The following MACROD2 variants were observed in gnomAD, a reference collection of about 807,000 sequenced individuals.
MACROD2 encodes mono-ADP ribosylhydrolase 2.
A neutral mutation model predicts 70.4 loss-of-function variants in MACROD2; 36 were observed. The observed-to-expected ratio is 0.51, with a 90% CI of 0.39 to 0.68. The LOEUF (loss-of-function observed/expected upper bound fraction) is 0.68. Among genes scored for constraint, MACROD2 ranks in the 30% least tolerant of loss-of-function variants. The pLI, the probability that MACROD2 is intolerant of heterozygous loss-of-function variation, is 0.00. For synonymous variants in MACROD2, 172 were observed against 178.8 expected (o/e 0.96, Z 0.30); for missense variants, 496 against 538.4 (o/e 0.92, Z 0.78).
chr20:14,576,126 A>C (rs1466421630), intron 4 of MACROD2, among the ~76,000 whole-genome samples: 1 of 152,154 alleles, frequency 6.6e-6, no homozygotes, highest in Non-Finnish European at 1.5e-5. Context: ...TTTCTTATTT[A>C]AGATTCCCCA....
At chr20:14,151,250 C>T (rs965251148) in intron 3 of MACROD2, among the ~76,000 whole-genome samples, 12 of 56,174 alleles carry the variant, frequency 2.1e-4, no homozygotes, top group African/African-American at 8.0e-4. Context: ...CAATGATGTT[C>T]TGCCTAGTGT....
intron 6 of MACROD2, among the ~76,000 whole-genome samples, chr20:15,362,008 CT>C (rs34029805): frequency 0.08 from 11,414 of 142,346 alleles, 631 homozygotes; most frequent in East Asian, 0.31. Flanking sequence ...TTATTTCTTC[CT>C]TTTTTTTTTT....
At chr20:15,473,486 C>G (rs1315280327) in intron 7 of MACROD2, among the ~76,000 whole-genome samples, 4 of 152,142 alleles carry the variant, frequency 2.6e-5, no homozygotes, top group African/African-American at 7.2e-5. Context: ...CATTTATCAT[C>G]TATCAGGGAG....
At chr20:15,161,033 T>C (rs2076344662) in intron 5 of MACROD2, among the ~76,000 whole-genome samples, 1 of 151,962 alleles carries the variant, frequency 6.6e-6, no homozygotes, top group Non-Finnish European at 1.5e-5. Context: ...TGTCATAAGG[T>C]GTAAGGAGCA....
At chr20:14,978,471 A>G (rs2074763263) in intron 5 of MACROD2, among the ~76,000 whole-genome samples, 1 of 150,286 alleles carries the variant, frequency 6.7e-6, no homozygotes, top group Non-Finnish European at 1.5e-5. Flanking sequence ...TCTACAGGCA[A>G]TGGCCAGTGT....
intron 3 of MACROD2, among the ~76,000 whole-genome samples, chr20:14,375,107 G>A (rs1052259687): frequency 6.6e-6 from 1 of 151,702 alleles, no homozygotes; most frequent in Admixed American, 6.6e-5. Flanking sequence ...AATGGAAGGA[G>A]AAAAAAGAAA....
intron 5 of MACROD2, among the ~76,000 whole-genome samples, chr20:14,778,523 G>T (rs2180477): frequency 6.6e-6 from 1 of 151,936 alleles, no homozygotes; most frequent in Non-Finnish European, 1.5e-5. Flanking sequence ...ACTAAGACCC[G>T]GTCTAGATCC....
intron 3 of MACROD2, among the ~76,000 whole-genome samples, chr20:14,130,434 G>A (rs2054702312): frequency 6.6e-6 from 1 of 152,060 alleles, no homozygotes; most frequent in East Asian, 1.9e-4. Context: ...TGTAATCCCA[G>A]CTACTCGGGA....
intron 8 of MACROD2, among the ~76,000 whole-genome samples, chr20:15,654,341 A>G (rs2049694173): frequency 6.6e-6 from 1 of 152,120 alleles, no homozygotes; most frequent in South Asian, 2.1e-4. Context: ...AGAGTTTAAA[A>G]TGTGCCATTG....
chr20:14,120,442 A>G (rs2054572695), intron 3 of MACROD2, among the ~76,000 whole-genome samples: 1 of 151,966 alleles, frequency 6.6e-6, no homozygotes, highest in Admixed American at 6.6e-5. Context: ...AATTAGTTCA[A>G]CCATTGTGGA....
At chr20:15,885,741 T>C (rs1601058348) in intron 9 of MACROD2, 23 bp from the exon 10 acceptor site, 1 of 1,469,558 alleles carries the variant, frequency 6.8e-7, no homozygotes, top group East Asian at 2.6e-5. Flanking sequence ...AGTATTTCTT[T>C]ATGTTTTCCT....
intron 6 of MACROD2, among the ~76,000 whole-genome samples, chr20:15,376,542 T>C (rs1323566696): frequency 6.6e-6 from 1 of 152,240 alleles, no homozygotes; most frequent in Non-Finnish European, 1.5e-5. Context: ...ATGCCACTAA[T>C]TTCAGTAAAG....
chr20:15,261,164 T>G (rs947306515), intron 6 of MACROD2, among the ~76,000 whole-genome samples: 11 of 151,970 alleles, frequency 7.2e-5, no homozygotes, highest in African/African-American at 2.4e-4. Flanking sequence ...AGCATTTATT[T>G]TAGCCATTTT....
intron 3 of MACROD2, among the ~76,000 whole-genome samples, chr20:14,234,030 C>A (rs2122214893): frequency 6.6e-6 from 1 of 152,192 alleles, no homozygotes; most frequent in South Asian, 2.1e-4. Flanking sequence ...AGAATGAACC[C>A]TCATGTAATC....
At chr20:14,543,259 G>C (rs1213188538) in intron 4 of MACROD2, among the ~76,000 whole-genome samples, 5 of 152,128 alleles carry the variant, frequency 3.3e-5, no homozygotes, top group Non-Finnish European at 7.4e-5. Flanking sequence ...GCTGGACAAA[G>C]TGATGATTCA....
At chr20:14,600,527 A>T (rs114408570) in intron 4 of MACROD2, among the ~76,000 whole-genome samples, 1,569 of 152,188 alleles carry the variant, frequency 0.01, 27 homozygotes, top group African/African-American at 0.036. Context: ...TTGGGCTCTT[A>T]CTCTGTGATA....
intron 6 of MACROD2, among the ~76,000 whole-genome samples, chr20:15,296,602 A>T (rs113958165): frequency 7.2e-5 from 11 of 152,326 alleles, no homozygotes; most frequent in African/African-American, 2.6e-4. Flanking sequence ...TTAAAATTTG[A>T]AAAACAAACA....
intron 5 of MACROD2, among the ~76,000 whole-genome samples, chr20:14,873,066 T>A (rs1234155954): frequency 6.6e-6 from 1 of 152,066 alleles, no homozygotes; most frequent in Non-Finnish European, 1.5e-5. Flanking sequence ...ATATGGAGAT[T>A]ACAATTCAAG....
intron 4 of MACROD2, among the ~76,000 whole-genome samples, chr20:14,607,029 A>G (rs1982850995): frequency 6.6e-6 from 1 of 152,120 alleles, no homozygotes. Flanking sequence ...CTCACATAGC[A>G]TCAGTGTTTG....
Sources: gnomAD v4.1 joint callset for allele counts (sites outside exome capture counted in the v4.1 genomes callset) on GRCh38, gnomAD v4.1.1 for gene constraint, MANE v1.5 for transcripts, NCBI Gene and HGNC (gene_info 2026-07-23, HGNC 2026-07-21) for gene names.